Variants in MTFMT observed in about 807,000 individuals in gnomAD.
MTFMT encodes the protein methionyl-tRNA formyltransferase, mitochondrial.
In MTFMT, 47 loss-of-function variants were observed where a neutral mutation model predicts 51.8. The observed-to-expected ratio is 0.91, with a 90% CI of 0.72 to 1.16. MTFMT has a LOEUF of 1.16. Ranked by LOEUF, MTFMT falls within the 50% of genes most tolerant of loss-of-function variation. The pLI is 0.00. For synonymous variants in MTFMT, 196 were observed against 176.7 expected (o/e 1.11, Z -0.87); for missense variants, 512 against 482.3 (o/e 1.06, Z -0.58).
At chr15:65,004,712 C>A in intron 8 of MTFMT, 142 bp downstream of exon 8, 1 of 452,146 alleles carries the variant, frequency 2.2e-6, no homozygotes, top group Non-Finnish European at 3.8e-6. Context: ...AGAGACTTCA[C>A]TATTTCTTAA....
In MTFMT at chr15:65,023,879, T is replaced by C. The variant is rs2086397394; in HGVS notation, c.420-85A>G. 5.6e-6 allele frequency: 7 copies of C among 1,242,594 alleles called. No individual in the cohort carries two copies. In the South Asian group the frequency reaches 1.5e-4, roughly 27 times the overall value. 77.0% of individuals were successfully genotyped at this position (1,242,594 alleles called of 1,614,324 possible). A position where few individuals can be genotyped will look rare whatever the true frequency, so the allele number is the denominator to read the frequency against. Reference sequence around the variant, plus strand: ...CCTAAGCTATTATGCTACTTTTCATTAGGAAACTTTCCCAGAAATTTGGAA... The same window carrying C: ...CCTAAGCTATTATGCTACTTTTCATCAGGAAACTTTCCCAGAAATTTGGAA... On this transcript the variant is annotated intron_variant, in intron 2 of 8. Transcript: ENST00000220058.
intron 6 of MTFMT, among the ~76,000 whole-genome samples, chr15:65,006,958 G>A (rs2086224353): frequency 6.6e-6 from 1 of 152,188 alleles, no homozygotes; most frequent in South Asian, 2.1e-4. Flanking sequence ...ATTATGCACA[G>A]TGGGCTTGAC....
At chr15:65,020,671 A>G (rs532506846) in intron 4 of MTFMT, among the ~76,000 whole-genome samples, 2 of 152,224 alleles carry the variant, frequency 1.3e-5, no homozygotes, top group Non-Finnish European at 2.9e-5. Context: ...ACAATGTACT[A>G]TGGAGTCACC....
intron 1 of MTFMT, among the ~76,000 whole-genome samples, chr15:65,028,329 T>C (rs548362587): frequency 3.3e-4 from 51 of 152,288 alleles, no homozygotes; most frequent in African/African-American, 1.2e-3. Context: ...GATGGGATGA[T>C]TGCTTGATCT....
intron 2 of MTFMT, 116 bp from the exon 3 acceptor site, chr15:65,023,910 G>A (rs1356096495): frequency 2.1e-6 from 2 of 939,832 alleles, no homozygotes; most frequent in Non-Finnish European, 3.0e-6. Flanking sequence ...TGGAAAAACT[G>A]ACAGTTAAAT....
intron 8 of MTFMT, among the ~76,000 whole-genome samples, chr15:65,004,589 G>C (rs2086206642): frequency 6.6e-6 from 1 of 152,004 alleles, no homozygotes; most frequent in Non-Finnish European, 1.5e-5. Context: ...AATTAAATTG[G>C]GCTACTGAAA....
At chr15:65,026,468 G>T in intron 2 of MTFMT, 1 of 262,734 alleles carries the variant, frequency 3.8e-6, no homozygotes, top group South Asian at 5.7e-5. Flanking sequence ...CCTGTGACTG[G>T]AGGCCTAGCA....
intron 5 of MTFMT, among the ~76,000 whole-genome samples, chr15:65,017,195 T>C (rs2086331267): frequency 1.3e-5 from 2 of 151,726 alleles, no homozygotes; most frequent in Admixed American, 6.6e-5. Flanking sequence ...TTCTCTATTA[T>C]GAAATATAAG....
chr15:65,028,740 A>G (rs2086451500), intron 1 of MTFMT, among the ~76,000 whole-genome samples: 1 of 152,252 alleles, frequency 6.6e-6, no homozygotes, highest in Non-Finnish European at 1.5e-5. Context: ...CGGTATTGCC[A>G]CCACATACCA....
In MTFMT at chr15:65,026,892, C is replaced by A; in HGVS notation, c.358G>T (p.Val120Phe). The A allele has an allele frequency of 3.1e-6, 5 of 1,614,004 alleles. No individual in the cohort carries two copies. The highest frequency in any genetic ancestry group is 4.2e-6 in the Non-Finnish European group (5 of 1,179,904). ...WPDVGSGEYD[V>F]GVVASFGRLL... ...CGGCCAAACGAAGCCACTACTCCAA[C>A]ATCATATTCTCCAGATCCCACATCC... The change falls in exon 2 of 9, where the codon GTT becomes TTT. Residue 120 changes from valine to phenylalanine, a missense_variant. By Grantham distance (50) the Val-to-Phe change is conservative. Coordinates refer to ENST00000220058, the MANE Select transcript of MTFMT (RefSeq NM_139242.4).
chr15:65,010,444 A>G (rs1487307849), intron 6 of MTFMT, among the ~76,000 whole-genome samples: 2 of 152,218 alleles, frequency 1.3e-5, no homozygotes, highest in Non-Finnish European at 2.9e-5. Context: ...GACATTTCAT[A>G]TAAATGGAAT....
chr15:65,007,094 G>A (rs1323864386), intron 6 of MTFMT, among the ~76,000 whole-genome samples: 1 of 152,222 alleles, frequency 6.6e-6, no homozygotes, highest in Non-Finnish European at 1.5e-5. Context: ...GAGCCACCAG[G>A]AATTTCTGCC....
intron 6 of MTFMT, among the ~76,000 whole-genome samples, chr15:65,012,503 C>G (rs1198548139): frequency 6.6e-6 from 1 of 152,102 alleles, no homozygotes; most frequent in African/African-American, 2.4e-5. Context: ...TCAAGTGATT[C>G]TCGTGCCTTA....
intron 3 of MTFMT, among the ~76,000 whole-genome samples, chr15:65,022,370 T>G (rs2140486580): frequency 6.6e-6 from 1 of 152,052 alleles, no homozygotes; most frequent in African/African-American, 2.4e-5. Flanking sequence ...GGAGAATCGC[T>G]TGAACCTGGG....
At chr15:65,024,134 C>T (rs770775155) in intron 2 of MTFMT, among the ~76,000 whole-genome samples, 2 of 151,858 alleles carry the variant, frequency 1.3e-5, no homozygotes, top group Admixed American at 6.6e-5. Context: ...TGAGACCAGC[C>T]GGACCAACAT....
In MTFMT at chr15:65,016,510, C is replaced by T. The variant is rs201616830; in HGVS notation, c.739G>A (p.Gly247Ser). Residue 247 changes from glycine to serine, a missense_variant, in exon 6 of 9, where the codon GGT (glycine) becomes AGT (serine). Gly to Ser is a moderately conservative substitution (Grantham distance 56). Transcript: ENST00000220058. The stretch of plus-strand genomic sequence containing the variant: ...TCCTCCCATTTTATACAACTGGTAC[C>T]AGCAGAAATCTTAGGGGCTACAAGA... ...GATYAPKISA[G>S]TSCIKWEEQT... 252 of 1,611,420 alleles carry T rather than the reference C, an allele frequency of 1.6e-4. 2 individuals are homozygous for T. The East Asian group carries it at 5.4e-3, about 35-fold the overall frequency.
chr15:65,029,581 A>C lies in MTFMT; in HGVS notation c.33T>G (p.Pro11=). 6.7e-7 allele frequency: 1 copy of C among 1,496,822 alleles called. No homozygotes were observed. Among genetic ancestry groups the C allele is most frequent in the Non-Finnish European group, 8.9e-7 (1 of 1,123,388 alleles). The allele number at this position is 1,496,822 out of a possible 1,614,324, so 92.7% of individuals were successfully genotyped here. Residue 11 remains proline, a synonymous_variant, in exon 1 of 9, where the codon CCT becomes CCG. Transcript: ENST00000220058. MRVLVRRCWG[P]PLAHGARRGR... ...CACGCCTGGCGCCATGAGCCAGCGGAGGACCCCAACAGCGCCGCACCAACA... is the reference window on the plus strand; with the variant it reads ...CACGCCTGGCGCCATGAGCCAGCGGCGGACCCCAACAGCGCCGCACCAACA...
intron 7 of MTFMT, 110 bp from the exon 8 acceptor site, chr15:65,005,046 G>A: frequency 2.8e-6 from 2 of 723,484 alleles, no homozygotes; most frequent in Non-Finnish European, 4.7e-6. Flanking sequence ...TGATACCGGA[G>A]AGAACACATT....
chr15:65,020,323 A>G, intron 4 of MTFMT, 51 bp from the exon 5 acceptor site: 1 of 1,479,600 alleles, frequency 6.8e-7, no homozygotes. Flanking sequence ...AGGGAAGAAC[A>G]AAAGCAGAAA....
Sources: allele counts gnomAD v4.1 joint callset (sites outside exome capture counted in the v4.1 genomes callset), GRCh38; gene constraint gnomAD v4.1.1; transcripts MANE v1.5; gene names NCBI Gene and HGNC (gene_info 2026-07-23, HGNC 2026-07-21).